Variants in SORCS1 observed in about 807,000 individuals in gnomAD.
SORCS1 encodes the protein sortilin related VPS10 domain containing receptor 1.
SORCS1 carries 60 observed loss-of-function variants against 146.1 expected under a neutral mutation model. The observed-to-expected ratio is 0.41, with a 90% confidence interval of 0.33 to 0.51. SORCS1 has a LOEUF of 0.51. Among genes scored for constraint, SORCS1 ranks in the 20% least tolerant of loss-of-function variants. SORCS1 has a pLI of 0.21. For missense variants in SORCS1, 1,352 were observed against 1,487.6 expected (o/e 0.91, Z 1.50); for synonymous variants, 637 against 584.0 (o/e 1.09, Z -1.31).
chr10:106,952,004 T>C (rs1422418775), intron 2 of SORCS1, among the ~76,000 whole-genome samples: 1 of 152,164 alleles, frequency 6.6e-6, no homozygotes, highest in Non-Finnish European at 1.5e-5. Flanking sequence ...TCTCAAAAAG[T>C]ATCAAAGAAG....
intron 1 of SORCS1, among the ~76,000 whole-genome samples, chr10:107,069,566 G>A (rs1311005055): frequency 6.6e-6 from 1 of 151,898 alleles, no homozygotes; most frequent in African/African-American, 2.4e-5. Flanking sequence ...GGTAGAGATG[G>A]GGTTTCACCA....
chr10:107,000,356 T>C (rs1264329471), intron 1 of SORCS1, among the ~76,000 whole-genome samples: 1 of 151,974 alleles, frequency 6.6e-6, no homozygotes, highest in Non-Finnish European at 1.5e-5. Flanking sequence ...TCCCAGCACT[T>C]TGGGACGCCG....
chr10:106,821,300 G>C (rs1317057232), intron 3 of SORCS1, among the ~76,000 whole-genome samples: 2 of 152,152 alleles, frequency 1.3e-5, no homozygotes, highest in African/African-American at 2.4e-5. Flanking sequence ...CCAAAAGATA[G>C]AGTCTATTTT....
chr10:107,170,436 C>A, the SORCS1 span, among the ~76,000 whole-genome samples: 23 of 152,260 alleles, frequency 1.5e-4, no homozygotes, highest in African/African-American at 4.3e-4. Context: ...CCAATGATTG[C>A]AAAACCAAAA....
At chr10:106,948,206 A>AG (rs1438621394) in intron 2 of SORCS1, among the ~76,000 whole-genome samples, 1 of 152,168 alleles carries the variant, frequency 6.6e-6, no homozygotes, top group Non-Finnish European at 1.5e-5. Context: ...AGATATGAAG[A>AG]GAAAAAAAAC....
In SORCS1 at chr10:106,818,791, T is replaced by C. The variant is rs962723960; in HGVS notation, c.726+10783A>G. Among the ~76,000 whole-genome samples, 14 of 152,236 alleles carry C rather than the reference T, an allele frequency of 9.2e-5. 1 individual carries two copies. The highest frequency in any genetic ancestry group is 1.9e-4 in the African/African-American group (8 of 41,462). Reference sequence around the variant, plus strand: ...TTGTGCGCTTGTGGACACTAGTTTCTCATAGTACATACACCGAAAGACTGT... The same window carrying C: ...TTGTGCGCTTGTGGACACTAGTTTCCCATAGTACATACACCGAAAGACTGT... On this transcript the variant is annotated intron_variant, in intron 3 of 25. Coordinates refer to ENST00000263054, the MANE Select transcript of SORCS1 (RefSeq NM_052918.5).
intron 2 of SORCS1, among the ~76,000 whole-genome samples, chr10:106,904,446 T>C (rs866315519): frequency 2.0e-5 from 3 of 152,148 alleles, no homozygotes; most frequent in African/African-American, 7.2e-5. Flanking sequence ...GGAATGCATG[T>C]AAGTACCATG....
intron 2 of SORCS1, among the ~76,000 whole-genome samples, chr10:106,837,074 G>C (rs754147687): frequency 1.3e-5 from 2 of 152,152 alleles, no homozygotes; most frequent in Non-Finnish European, 2.9e-5. Flanking sequence ...CTTTAACTCT[G>C]CTTATTTTTA....
chr10:106,674,843 C>T (rs117125134), intron 14 of SORCS1, among the ~76,000 whole-genome samples: 100 of 152,204 alleles, frequency 6.6e-4, no homozygotes, highest in Non-Finnish European at 1.1e-3. Context: ...TTTCTCTAAG[C>T]GCCTCAGTCT....
At chr10:106,731,389 G>A (rs1856590918) in intron 5 of SORCS1, among the ~76,000 whole-genome samples, 1 of 148,102 alleles carries the variant, frequency 6.8e-6, no homozygotes, top group Admixed American at 6.8e-5. Flanking sequence ...TCTCACTTTT[G>A]CTGCCTCATC....
chr10:106,706,994 A>T (rs1044006580), intron 7 of SORCS1, among the ~76,000 whole-genome samples: 1 of 152,118 alleles, frequency 6.6e-6, no homozygotes, highest in Non-Finnish European at 1.5e-5. Flanking sequence ...TCCCTGTGCC[A>T]TATCAGAATG....
intron 2 of SORCS1, among the ~76,000 whole-genome samples, chr10:106,835,437 A>C (rs1948738604): frequency 1.3e-5 from 2 of 152,204 alleles, no homozygotes. Flanking sequence ...ACTAAAACCT[A>C]CAACGTGAAC....
At chr10:106,733,584 T>A (rs911415399) in intron 5 of SORCS1, among the ~76,000 whole-genome samples, 3 of 152,182 alleles carry the variant, frequency 2.0e-5, no homozygotes, top group Non-Finnish European at 4.4e-5. Context: ...AGCTACAGAG[T>A]TAGGTAGCAT....
intron 2 of SORCS1, among the ~76,000 whole-genome samples, chr10:106,942,300 G>A (rs780223198): frequency 5.5e-4 from 83 of 151,956 alleles, no homozygotes; most frequent in Non-Finnish European, 8.4e-4. Flanking sequence ...TCCCACCTCC[G>A]GCTTCCCTTT....
chr10:106,858,200 T>A (rs540677803), intron 2 of SORCS1, among the ~76,000 whole-genome samples: 23 of 152,312 alleles, frequency 1.5e-4, no homozygotes, highest in African/African-American at 5.1e-4. Context: ...ATATGTTACT[T>A]TTATGTTAAT....
chr10:106,840,757 C>G (rs1045315650), intron 2 of SORCS1, among the ~76,000 whole-genome samples: 1 of 150,980 alleles, frequency 6.6e-6, no homozygotes, highest in African/African-American at 2.4e-5. Flanking sequence ...TAATCTTCAG[C>G]AAATATCAAG....
In SORCS1 at chr10:106,730,065, T is replaced by C. The variant is rs1310130307; in HGVS notation, c.1009A>G (p.Arg337Gly). ...ATTTACTTACGACCATCCACAGTTC[T>C]GGCCTCAAGATGCACAAGGTCTGGT... ...KEPDLVHLEARTVDGHSHYLT... is the reference protein window; with the variant it reads ...KEPDLVHLEAGTVDGHSHYLT... Residue 337 changes from arginine (R) to glycine (G), a missense_variant, in exon 6 of 26, where the codon AGA (arginine) becomes GGA (glycine). By Grantham distance (125) the Arg-to-Gly change is moderately radical. This residue lies in a region of SORCS1 where 490 missense variants were observed against 489.1 expected (regional missense o/e 1.00). Coordinates refer to ENST00000263054, the MANE Select transcript of SORCS1 (RefSeq NM_052918.5). 1 of 1,614,178 alleles carries C rather than the reference T, an allele frequency of 6.2e-7. No homozygotes were observed. Among genetic ancestry groups the C allele is most frequent in the South Asian group, 1.1e-5 (1 of 91,082 alleles).
At chr10:107,075,798 G>A (rs1413151262) in intron 1 of SORCS1, among the ~76,000 whole-genome samples, 1 of 152,020 alleles carries the variant, frequency 6.6e-6, no homozygotes, top group Non-Finnish European at 1.5e-5. Flanking sequence ...CATGGTGGGT[G>A]TGTTCCCATC....
At chr10:106,686,728 T>G (rs1852876310) in intron 10 of SORCS1, among the ~76,000 whole-genome samples, 1 of 152,172 alleles carries the variant, frequency 6.6e-6, no homozygotes, top group Non-Finnish European at 1.5e-5. Context: ...TTTAGACTGC[T>G]TCCCTGATGC....
Sources: gnomAD v4.1 joint callset for allele counts (sites outside exome capture counted in the v4.1 genomes callset) on GRCh38, gnomAD v4.1.1 for gene constraint, gnomAD v4.1.1 regional missense constraint, MANE v1.5 for transcripts, NCBI Gene and HGNC (gene_info 2026-07-23, HGNC 2026-07-21) for gene names.